DLG2: variants seen among roughly 807,000 people sequenced by gnomAD.
DLG2 encodes the protein disks large homolog 2.
DLG2 carries 45 observed loss-of-function variants against 132.5 expected under a neutral mutation model. The ratio of observed to expected loss-of-function variants is 0.34; its 90% CI spans 0.27 to 0.44. The LOEUF is 0.44. Ranked by LOEUF, DLG2 falls within the 20% of genes least tolerant of loss-of-function variation. The probability of loss-of-function intolerance (pLI) is 1.00; values close to 1 mark genes in which losing one functional copy is unlikely to be tolerated. For missense variants in DLG2, 1,045 were observed against 1,196.9 expected, an observed-to-expected ratio of 0.87 and a Z score of 1.87; for synonymous variants, 424 against 419.6, an observed-to-expected ratio of 1.01 and a Z score of -0.13.
intron 4 of DLG2, among the ~76,000 whole-genome samples, chr11:85,280,528 A>G (rs995907946): frequency 3.3e-5 from 5 of 152,052 alleles, no homozygotes. Flanking sequence ...AGTAATATAA[A>G]CTTACTTTCT....
intron 6 of DLG2, among the ~76,000 whole-genome samples, chr11:84,667,492 T>G (rs1565607334): frequency 5.9e-5 from 2 of 33,876 alleles, no homozygotes; most frequent in South Asian, 3.6e-3. Context: ...TTGTTTTTTG[T>G]TTTTTGTTTT....
intron 6 of DLG2, among the ~76,000 whole-genome samples, chr11:84,981,073 T>C (rs998701112): frequency 5.3e-5 from 8 of 152,306 alleles, no homozygotes; most frequent in African/African-American, 1.7e-4. Context: ...CTAATGCATC[T>C]ATATTACTGG....
chr11:83,819,391 A>C (rs1233934488), intron 17 of DLG2, among the ~76,000 whole-genome samples: 1 of 137,674 alleles, frequency 7.3e-6, no homozygotes, highest in Non-Finnish European at 1.5e-5. Flanking sequence ...AATTGCTTGG[A>C]CCTGGGAGGC....
chr11:84,671,198 A>T (rs75585663), intron 6 of DLG2, among the ~76,000 whole-genome samples: 1,954 of 151,974 alleles, frequency 0.013, 25 homozygotes, highest in Non-Finnish European at 0.02. Context: ...TCCCTTGCTC[A>T]ATCAATCCTC....
At chr11:84,679,308 G>T (rs897630093) in intron 6 of DLG2, among the ~76,000 whole-genome samples, 1 of 152,048 alleles carries the variant, frequency 6.6e-6, no homozygotes. Context: ...ATGGAAACAT[G>T]AAAGTTCGAT....
intron 16 of DLG2, among the ~76,000 whole-genome samples, chr11:83,841,201 A>G (rs1319017395): frequency 6.6e-6 from 1 of 152,220 alleles, no homozygotes; most frequent in Admixed American, 6.5e-5. Flanking sequence ...ATACTCATAG[A>G]ACAGTGTTCA....
At chr11:83,531,257 A>G (rs1331706147) in intron 21 of DLG2, among the ~76,000 whole-genome samples, 1 of 152,024 alleles carries the variant, frequency 6.6e-6, no homozygotes, top group Non-Finnish European at 1.5e-5. Context: ...CAAAGCATAT[A>G]TATCTCATAA....
Position 83,680,998 on chromosome 11 carries a change from T to C in DLG2, c.1826-47673A>G, listed in dbSNP as rs79623806. ...CATGTAAAGAGAAATTACAATAGTG[T>C]ACAGGTAAACACTTTGGACAAACAA... On this transcript the variant is annotated intron_variant, in intron 18 of 27. Transcript: ENST00000376104. 6.7e-3 allele frequency among the ~76,000 whole-genome samples: 1,025 copies of C among 152,248 alleles called. 10 individuals carry two copies. Among genetic ancestry groups the C allele is most frequent in the African/African-American group, 0.023 (956 of 41,564 alleles).
At chr11:84,172,393 C>T (rs1033181270) in intron 8 of DLG2, among the ~76,000 whole-genome samples, 1 of 152,068 alleles carries the variant, frequency 6.6e-6, no homozygotes, top group Non-Finnish European at 1.5e-5. Flanking sequence ...TTTGTTCTAC[C>T]AGTAAACTCT....
chr11:85,562,652 T>C (rs1325499893), intron 3 of DLG2, among the ~76,000 whole-genome samples: 1 of 151,678 alleles, frequency 6.6e-6, no homozygotes, highest in Non-Finnish European at 1.5e-5. Flanking sequence ...ATTGCTTTTC[T>C]CCAGTTCAAA....
intron 6 of DLG2, among the ~76,000 whole-genome samples, chr11:85,052,234 T>C (rs1006791991): frequency 6.6e-5 from 10 of 152,134 alleles, no homozygotes; most frequent in African/African-American, 2.4e-4. Flanking sequence ...ATGGGAAAGT[T>C]TGGATAAATG....
chr11:85,620,441 A>C (rs941993101), intron 2 of DLG2, among the ~76,000 whole-genome samples: 2 of 152,208 alleles, frequency 1.3e-5, no homozygotes, highest in Admixed American at 6.5e-5. Context: ...AAAGCTAGAA[A>C]ATGATTAAGC....
intron 18 of DLG2, among the ~76,000 whole-genome samples, chr11:83,761,259 G>A (rs372676852): frequency 9.2e-5 from 14 of 152,272 alleles, no homozygotes; most frequent in East Asian, 3.9e-4. Context: ...AGGACACCCC[G>A]TCTAGGAGGG....
rs1296030424 is a variant in DLG2, at chr11:84,364,117, C to T, written c.520-112826G>A. Reference sequence around the variant, plus strand: ...ACCTTGGGCAGTATGGCAATTTTCACGATATTGATTCTTCCTACCCATGAG... The same window carrying T: ...ACCTTGGGCAGTATGGCAATTTTCATGATATTGATTCTTCCTACCCATGAG... On this transcript the variant is annotated intron_variant, in intron 7 of 27. Coordinates refer to ENST00000376104, the MANE Select transcript of DLG2 (RefSeq NM_001142699.3). 3.7e-4 allele frequency among the ~76,000 whole-genome samples: 57 copies of T among 152,038 alleles called. No individual in the cohort carries two copies. The East Asian group carries it at 0.01, about 27-fold the overall frequency.
chr11:83,501,660 A>G (rs1196133329), intron 21 of DLG2, among the ~76,000 whole-genome samples: 1 of 152,186 alleles, frequency 6.6e-6, no homozygotes, highest in Non-Finnish European at 1.5e-5. Flanking sequence ...CTATTTTAGC[A>G]TTCTCTAAAT....
intron 4 of DLG2, among the ~76,000 whole-genome samples, chr11:85,205,756 C>G (rs2081843904): frequency 6.6e-6 from 1 of 152,118 alleles, no homozygotes. Flanking sequence ...CTGACCCAGA[C>G]AGTAAGTATT....
At chr11:84,745,663 T>C (rs1165416610) in intron 6 of DLG2, among the ~76,000 whole-genome samples, 1 of 152,100 alleles carries the variant, frequency 6.6e-6, no homozygotes, top group African/African-American at 2.4e-5. Context: ...TAAGCAATTA[T>C]AAAGAGAGCA....
intron 7 of DLG2, among the ~76,000 whole-genome samples, chr11:84,512,644 T>C (rs1238538977): frequency 4.0e-5 from 6 of 151,502 alleles, no homozygotes; most frequent in Non-Finnish European, 8.8e-5. Context: ...AAATAACATA[T>C]AAAGGAGTTT....
At chr11:84,154,859 T>C (rs2095395172) in intron 9 of DLG2, among the ~76,000 whole-genome samples, 1 of 152,212 alleles carries the variant, frequency 6.6e-6, no homozygotes, top group Non-Finnish European at 1.5e-5. Context: ...TAGTATTCCA[T>C]GGTGTATATG....
Sources: allele counts gnomAD v4.1 joint callset (sites outside exome capture counted in the v4.1 genomes callset), GRCh38; gene constraint gnomAD v4.1.1; transcripts MANE v1.5; gene names NCBI Gene and HGNC (gene_info 2026-07-23, HGNC 2026-07-21).